The following ZNF611 variants were observed in gnomAD, a reference collection of about 807,000 sequenced individuals.
The protein encoded by ZNF611 is zinc finger protein 611.
A neutral mutation model predicts 8.9 loss-of-function variants in ZNF611; 6 were observed. The ratio of observed to expected loss-of-function variants is 0.68; its 90% confidence interval spans 0.37 to 1.34. The LOEUF (loss-of-function observed/expected upper bound fraction) is 1.34, where lower values mean the gene tolerates loss of function less well. Among genes scored for constraint, ZNF611 ranks in the 40% most tolerant of loss-of-function variants. ZNF611 has a pLI of 0.02. For missense variants in ZNF611, 874 were observed against 841.3 expected (o/e 1.04, Z -0.48); for synonymous variants, 262 against 279.7 (o/e 0.94, Z 0.63).
chr19:52,709,328 G>A (rs748436245), intron 5 of ZNF611, among the ~76,000 whole-genome samples: 3 of 151,262 alleles, frequency 2.0e-5, no homozygotes, highest in East Asian at 1.9e-4. Context: ...CCTGGAGTGC[G>A]GTGGTGCAAT....
At chr19:52,711,624 G>C (rs954942021) in intron 5 of ZNF611, among the ~76,000 whole-genome samples, 4 of 152,108 alleles carry the variant, frequency 2.6e-5, no homozygotes, top group Non-Finnish European at 5.9e-5. Flanking sequence ...GGACACAAGC[G>C]CTGAGCTGCG....
Position 52,704,438 on chromosome 19 carries a change from G to T in ZNF611, c.*499C>A. 1 of 715,026 alleles carries T rather than the reference G, an allele frequency of 1.4e-6. No homozygotes were observed. Among genetic ancestry groups the T allele is most frequent in the Non-Finnish European group, 2.6e-6 (1 of 387,186 alleles). 44.3% of individuals were successfully genotyped at this position (715,026 alleles called of 1,614,324 possible). ...GCTTTGCCACAATCATCACACTTGT[G>T]AGGTTTCTCTCCTGTATAAATTCTC... is the stretch of plus-strand genomic sequence containing the variant. On this transcript the variant is annotated 3_prime_UTR_variant, in exon 6 of 6. Transcript: ENST00000652185.
chr19:52,726,039 A>C (rs2062390593), intron 3 of ZNF611, among the ~76,000 whole-genome samples: 1 of 152,258 alleles, frequency 6.6e-6, no homozygotes, highest in Non-Finnish European at 1.5e-5. Flanking sequence ...GTGAAATGCA[A>C]AGCCCTGCCT....
At position 52,705,339 on chromosome 19, in the gene ZNF611, G is replaced by A; in HGVS notation, c.1716C>T (p.Ser572=). Reference sequence around the variant, plus strand: ...GGTATGACCTGTGACTGAAGGTCTTGCTGCACTCATTACACTTGTAAGGTT... The same window carrying A: ...GGTATGACCTGTGACTGAAGGTCTTACTGCACTCATTACACTTGTAAGGTT... ...GEKPYKCNEC[S]KTFSHRSYLV... is the part of the protein sequence containing the mutation. Residue 572 remains serine, a synonymous_variant, in exon 6 of 6, where the codon AGC becomes AGT. Coordinates refer to ENST00000652185, the MANE Select transcript of ZNF611 (RefSeq NM_001161499.2). 6.2e-7 allele frequency: 1 copy of A among 1,614,106 alleles called. No individual in the cohort carries two copies. Among genetic ancestry groups the A allele is most frequent in the Non-Finnish European group, 8.5e-7 (1 of 1,180,020 alleles).
chr19:52,705,238 C>A lies in ZNF611; in HGVS notation c.1817G>T (p.Arg606Met). 6.2e-7 allele frequency: 1 copy of A among 1,613,986 alleles called. No individual in the cohort carries two copies. The highest frequency in any genetic ancestry group is 1.1e-5 in the South Asian group (1 of 91,062). Residue 606 changes from arginine (R) to methionine (M), a missense_variant, in exon 6 of 6, where the codon AGG becomes ATG. Arg to Met is a moderately conservative substitution (Grantham distance 91). Coordinates refer to ENST00000652185, the MANE Select transcript of ZNF611 (RefSeq NM_001161499.2). Reference sequence around the variant, plus strand: ...TCTACGATGGCAATGAAGGGATGACCTGCGACTGAAGGTCTTGCTGCACTC... The same window carrying A: ...TCTACGATGGCAATGAAGGGATGACATGCGACTGAAGGTCTTGCTGCACTC... The part of the protein sequence containing the change: ...CNECSKTFSR[R>M]SSLHCHRRLH...
At chr19:52,717,376 G>A (rs1197065740) in intron 3 of ZNF611, among the ~76,000 whole-genome samples, 1 of 152,198 alleles carries the variant, frequency 6.6e-6, no homozygotes, top group African/African-American at 2.4e-5. Flanking sequence ...AAGGCTGCTT[G>A]TCACTTGCAG....
At chr19:52,728,027 C>G (rs578249192) in intron 3 of ZNF611, among the ~76,000 whole-genome samples, 1 of 151,776 alleles carries the variant, frequency 6.6e-6, no homozygotes, top group African/African-American at 2.4e-5. Flanking sequence ...CTGCCTCAGC[C>G]TCCTGAGTAG....
chr19:52,724,281 G>C (rs2062377921), intron 3 of ZNF611: 3 of 152,234 alleles, frequency 2.0e-5, no homozygotes, highest in African/African-American at 4.8e-5. Context: ...CAGGGTACTC[G>C]AGACTGGAGA....
Position 52,704,353 on chromosome 19 carries a change from T to C in ZNF611, c.*584A>G, listed in dbSNP as rs1173084892. On this transcript the variant is annotated 3_prime_UTR_variant, in exon 6 of 6. Transcript: ENST00000652185. ...GACCTTGCCACACTGATGACATTTG[T>C]AAGATTTCTGTCCAGTATAGATTCT... is the stretch of plus-strand genomic sequence containing the variant. The C allele has an allele frequency of 1.1e-5, 7 of 619,144 alleles. No individual in the cohort carries two copies. Among genetic ancestry groups the C allele is most frequent in the Non-Finnish European group, 2.2e-5 (7 of 318,186 alleles). The allele number at this position is 619,144 out of a possible 1,614,324, so 38.4% of individuals were successfully genotyped here. A position where few individuals can be genotyped will look rare whatever the true frequency, so the allele number is the denominator to read the frequency against.
chr19:52,708,392 G>A (rs2062258613), intron 5 of ZNF611: 1 of 152,240 alleles, frequency 6.6e-6, no homozygotes, highest in African/African-American at 2.4e-5. Flanking sequence ...AAGCTACTCT[G>A]GAAGCTGAGG....
chr19:52,733,650 A>G (rs951438533), intron 1 of ZNF611, among the ~76,000 whole-genome samples: 3 of 151,056 alleles, frequency 2.0e-5, no homozygotes, highest in African/African-American at 4.9e-5. Context: ...AATTCTGTAC[A>G]TATCTCTCAT....
At chr19:52,714,941 T>C (rs2062306720) in intron 4 of ZNF611, among the ~76,000 whole-genome samples, 1 of 151,958 alleles carries the variant, frequency 6.6e-6, no homozygotes, top group Admixed American at 6.6e-5. Context: ...GAGGTTGCAG[T>C]GAGCCAAGAT....
intron 5 of ZNF611, chr19:52,711,285 T>C (rs1373976384): frequency 6.6e-6 from 1 of 152,050 alleles, no homozygotes; most frequent in African/African-American, 2.4e-5. Flanking sequence ...TGAACTCAGA[T>C]TGTGCCATTG....
At chr19:52,709,781 G>A (rs1281404826) in intron 5 of ZNF611, among the ~76,000 whole-genome samples, 1 of 151,450 alleles carries the variant, frequency 6.6e-6, no homozygotes, top group African/African-American at 2.4e-5. Flanking sequence ...TGGTCAGGCT[G>A]GTCTCAAACT....
intron 3 of ZNF611, among the ~76,000 whole-genome samples, chr19:52,719,048 T>C (rs1180093406): frequency 6.6e-6 from 1 of 152,042 alleles, no homozygotes. Context: ...CAGCTGCCTA[T>C]AATCCCAGCT....
At position 52,706,788 on chromosome 19, in the gene ZNF611, T is replaced by C. The variant is rs142226799; in HGVS notation, c.267A>G (p.Thr89=). The change falls in exon 6 of 6, where the codon ACA becomes ACG. Residue 89 remains threonine, a synonymous_variant. Coordinates refer to ENST00000652185, the MANE Select transcript of ZNF611 (RefSeq NM_001161499.2). ...TGTGATGACTTTCATGTCTTTGCAA[T>C]GTCCCTGTGTGGATCACTTCTGTAT... ...QGNTEVIHTG[T]LQRHESHHIG... The C allele has an allele frequency of 6.5e-5, 105 of 1,613,858 alleles. No individual in the cohort carries two copies. Among genetic ancestry groups the C allele is most frequent in the Non-Finnish European group, 8.5e-5 (100 of 1,179,988 alleles).
At chr19:52,722,117 A>G (rs951487087) in intron 3 of ZNF611, among the ~76,000 whole-genome samples, 9 of 151,996 alleles carry the variant, frequency 5.9e-5, no homozygotes, top group Admixed American at 2.6e-4. Flanking sequence ...ATCCCAGTAC[A>G]TTGCAAGGCC....
Position 52,734,289 on chromosome 19 carries a change from C to T in ZNF611, c.-222+712G>A, listed in dbSNP as rs146398174. 1.0e-3 allele frequency among the ~76,000 whole-genome samples: 153 copies of T among 151,632 alleles called. 1 individual carries two copies. Among genetic ancestry groups the T allele is most frequent in the African/African-American group, 3.5e-3 (143 of 41,294 alleles). On this transcript the variant is annotated intron_variant, in intron 1 of 5. Coordinates refer to ENST00000652185, the MANE Select transcript of ZNF611 (RefSeq NM_001161499.2). Reference sequence around the variant, plus strand: ...GCCTTTCTTATTCTTCTTTTCTCTGCCTCAGGTTTTCTACTGCTCTCTGTC... The same window carrying T: ...GCCTTTCTTATTCTTCTTTTCTCTGTCTCAGGTTTTCTACTGCTCTCTGTC...
chr19:52,723,201 C>T lies in ZNF611; in HGVS notation c.-20+5529G>A, dbSNP rs574026270. Among the ~76,000 whole-genome samples, 3 of 150,882 alleles carry T rather than the reference C, an allele frequency of 2.0e-5. No individual in the cohort carries two copies. In the South Asian group the frequency reaches 6.3e-4, roughly 32 times the overall value. On this transcript the variant is annotated intron_variant, in intron 3 of 5. Transcript: ENST00000652185. ...CTCCTGCAATTTATCCCCTTCTTCC[C>T]TCTATTGCTTCTCTTCCACCTCTTC...
Sources: allele counts gnomAD v4.1 joint callset (sites outside exome capture counted in the v4.1 genomes callset), GRCh38; gene constraint gnomAD v4.1.1; transcripts MANE v1.5; gene names NCBI Gene and HGNC (gene_info 2026-07-23, HGNC 2026-07-21).